Variants in GRID1 observed in about 807,000 individuals in gnomAD.
The protein encoded by GRID1 is glutamate receptor ionotropic, delta-1.
Under a neutral mutation model 98.0 loss-of-function variants are expected in GRID1, and 28 were observed. The ratio of observed to expected loss-of-function variants is 0.29; its 90% CI spans 0.21 to 0.39. The LOEUF (loss-of-function observed/expected upper bound fraction) is 0.39. Among genes scored for constraint, GRID1 ranks in the 10% least tolerant of loss-of-function variants. GRID1 has a pLI of 1.00. For synonymous variants in GRID1, 553 were observed against 538.5 expected, an observed-to-expected ratio of 1.03 and a Z score of -0.37; for missense variants, 1,111 against 1,340.5, an observed-to-expected ratio of 0.83 and a Z score of 2.67.
chr10:86,018,628 C>A (rs1843009149), intron 4 of GRID1, among the ~76,000 whole-genome samples: 1 of 152,226 alleles, frequency 6.6e-6, no homozygotes, highest in Non-Finnish European at 1.5e-5. Flanking sequence ...TTCTTCCAAA[C>A]CTCCTGTGAG....
intron 2 of GRID1, among the ~76,000 whole-genome samples, chr10:86,307,105 T>C (rs1222049812): frequency 6.6e-6 from 1 of 152,100 alleles, no homozygotes; most frequent in East Asian, 1.9e-4. Flanking sequence ...AAGTTGGTAA[T>C]AGCCATTATG....
At chr10:86,327,144 C>T (rs1346178055) in intron 2 of GRID1, among the ~76,000 whole-genome samples, 1 of 152,120 alleles carries the variant, frequency 6.6e-6, no homozygotes, top group African/African-American at 2.4e-5. Flanking sequence ...TCAAAAACAA[C>T]AACAAAAAGA....
chr10:85,821,203 AC>A (rs963836256), intron 8 of GRID1, among the ~76,000 whole-genome samples: 7 of 152,024 alleles, frequency 4.6e-5, no homozygotes, highest in Non-Finnish European at 8.8e-5. Context: ...TATAGGAAAC[AC>A]CAAATAAACC....
chr10:85,679,587 G>A (rs77173715), intron 12 of GRID1, among the ~76,000 whole-genome samples: 3,528 of 152,230 alleles, frequency 0.023, 76 homozygotes, highest in Non-Finnish European at 0.034. Context: ...GAGGACTAGG[G>A]TTTTCCAGGC....
At chr10:85,791,329 G>A (rs945813660) in intron 8 of GRID1, among the ~76,000 whole-genome samples, 1 of 152,226 alleles carries the variant, frequency 6.6e-6, no homozygotes, top group Admixed American at 6.5e-5. Context: ...CCAAAACCCT[G>A]ACTGGCGCAA....
At chr10:85,810,689 A>G (rs1429091462) in intron 8 of GRID1, among the ~76,000 whole-genome samples, 1 of 152,142 alleles carries the variant, frequency 6.6e-6, no homozygotes, top group Non-Finnish European at 1.5e-5. Flanking sequence ...TAAGCTCCCA[A>G]GCATCTGCAT....
intron 12 of GRID1, among the ~76,000 whole-genome samples, chr10:85,671,920 C>T (rs760887081): frequency 1.3e-5 from 2 of 152,192 alleles, no homozygotes; most frequent in African/African-American, 2.4e-5. Flanking sequence ...CAGATCAATG[C>T]CCCAACTCTC....
At chr10:85,752,435 C>T (rs1160395065) in intron 8 of GRID1, among the ~76,000 whole-genome samples, 2 of 152,022 alleles carry the variant, frequency 1.3e-5, no homozygotes, top group East Asian at 1.9e-4. Flanking sequence ...AAATGATATA[C>T]ATATATATAC....
intron 8 of GRID1, among the ~76,000 whole-genome samples, chr10:85,851,771 C>T (rs1219096144): frequency 6.6e-6 from 1 of 152,120 alleles, no homozygotes; most frequent in African/African-American, 2.4e-5. Flanking sequence ...GTGTACCTTG[C>T]ATGGCCAAGA....
intron 4 of GRID1, among the ~76,000 whole-genome samples, chr10:85,933,544 G>A (rs1349311365): frequency 1.3e-5 from 2 of 152,124 alleles, no homozygotes; most frequent in Admixed American, 1.3e-4. Context: ...GCCAGACTTT[G>A]GGATAAAACA....
At position 86,210,321 on chromosome 10, in the gene GRID1, C is replaced by A. The variant is rs7087232; in HGVS notation, c.236-3673G>T. ...TTCGGATCTCAAGCATTCATTCACC[C>A]AAGTTCCAGTTTTGGCTCCTCCGGT... On this transcript the variant is annotated intron_variant, in intron 2 of 15. Transcript: ENST00000327946. Among the ~76,000 whole-genome samples, 1,293 of 152,290 alleles carry A rather than the reference C, an allele frequency of 8.5e-3. 15 individuals are homozygous for A. The highest frequency in any genetic ancestry group is 0.031 in the Middle Eastern group (9 of 294).
At chr10:86,237,743 T>G (rs902259459) in intron 2 of GRID1, among the ~76,000 whole-genome samples, 1 of 151,484 alleles carries the variant, frequency 6.6e-6, no homozygotes, top group African/African-American at 2.4e-5. Context: ...CCTTCTCTCC[T>G]TCTCCCTCTC....
Position 85,902,460 on chromosome 10 carries a change from C to T in GRID1, c.780+13726G>A, listed in dbSNP as rs369916567. 2.1e-4 allele frequency among the ~76,000 whole-genome samples: 32 copies of T among 152,238 alleles called. 1 individual carries two copies. Among genetic ancestry groups the T allele is most frequent in the East Asian group, 1.2e-3 (6 of 5,190 alleles). On this transcript the variant is annotated intron_variant, in intron 5 of 15. Coordinates refer to ENST00000327946, the MANE Select transcript of GRID1 (RefSeq NM_017551.3). ...TGACTGAAACCATAAAAAGTAAAAC[C>T]GCAGATAAGGAGGGACAACTGCAAT...
At chr10:86,070,000 T>C (rs1282942673) in intron 4 of GRID1, among the ~76,000 whole-genome samples, 1 of 152,048 alleles carries the variant, frequency 6.6e-6, no homozygotes, top group Non-Finnish European at 1.5e-5. Flanking sequence ...ATGGTGCCTG[T>C]AGAGGGCAAT....
At chr10:85,971,567 T>A (rs1842408836) in intron 4 of GRID1, among the ~76,000 whole-genome samples, 1 of 152,116 alleles carries the variant, frequency 6.6e-6, no homozygotes, top group African/African-American at 2.4e-5. Context: ...AAACAGGATA[T>A]CCAAATGGCT....
intron 5 of GRID1, among the ~76,000 whole-genome samples, chr10:85,894,313 A>C (rs954679722): frequency 1.3e-5 from 2 of 152,204 alleles, no homozygotes; most frequent in African/African-American, 2.4e-5. Flanking sequence ...ATATGCAAAA[A>C]TTAACCGCCA....
chr10:86,239,350 C>A (rs753575222), intron 2 of GRID1, among the ~76,000 whole-genome samples: 6 of 152,192 alleles, frequency 3.9e-5, no homozygotes, highest in African/African-American at 9.6e-5. Context: ...TTTGAGCTTG[C>A]AGGCTCATAG....
At chr10:85,981,515 G>T (rs1182898307) in intron 4 of GRID1, among the ~76,000 whole-genome samples, 1 of 152,130 alleles carries the variant, frequency 6.6e-6, no homozygotes, top group East Asian at 1.9e-4. Flanking sequence ...CTTAATGTCG[G>T]CCTCCTTCAA....
chr10:85,837,938 C>G (rs557051597), intron 8 of GRID1, among the ~76,000 whole-genome samples: 6 of 152,258 alleles, frequency 3.9e-5, no homozygotes, highest in Non-Finnish European at 7.4e-5. Context: ...CAGGAACTGA[C>G]AGACAAAATA....
Sources: allele counts gnomAD v4.1 joint callset (sites outside exome capture counted in the v4.1 genomes callset), GRCh38; gene constraint gnomAD v4.1.1; transcripts MANE v1.5; gene names NCBI Gene and HGNC (gene_info 2026-07-23, HGNC 2026-07-21).